DIP2C: variants seen among roughly 807,000 people sequenced by gnomAD.
DIP2C encodes the protein disco-interacting protein 2 homolog C.
Under a neutral mutation model 192.4 loss-of-function variants are expected in DIP2C, and 33 were observed. The observed-to-expected ratio is 0.17, with a 90% CI of 0.13 to 0.23. The LOEUF is 0.23. Ranked by LOEUF, DIP2C falls within the 10% of genes least tolerant of loss-of-function variation. DIP2C has a pLI of 1.00. For missense variants in DIP2C, 1,537 were observed against 2,110.1 expected, an observed-to-expected ratio of 0.73 and a Z score of 5.32; for synonymous variants, 979 against 864.1, an observed-to-expected ratio of 1.13 and a Z score of -2.33.
At chr10:536,598 CAATTT>C (rs1847710764) in intron 1 of DIP2C, among the ~76,000 whole-genome samples, 2 of 152,172 alleles carry the variant, frequency 1.3e-5, no homozygotes, top group Admixed American at 1.3e-4. Flanking sequence ...TGGGAGGACA[CAATTT>C]AATACCAGGA....
At position 607,122 on chromosome 10, in the gene DIP2C, T is replaced by TGGATGGATG. The variant is rs1469629482; in HGVS notation, c.85+82371_85+82372insCATCCATCC. Among the ~76,000 whole-genome samples, 26 of 152,334 alleles carry TGGATGGATG rather than the reference T, an allele frequency of 1.7e-4. No individual in the cohort carries two copies. The East Asian group carries it at 4.8e-3, about 28-fold the overall frequency. On this transcript the variant is annotated intron_variant, in intron 1 of 36. Transcript: ENST00000280886. The stretch of plus-strand genomic sequence containing the variant: ...CCTGCTCACCTCGGTGGGGCTCTCC[T>TGGATGGATG]GCCAAGGAGGATGGCCCTGAAGTCC...
At chr10:474,117 C>A (rs933515100) in intron 2 of DIP2C, among the ~76,000 whole-genome samples, 3 of 152,146 alleles carry the variant, frequency 2.0e-5, no homozygotes, top group African/African-American at 7.2e-5. Flanking sequence ...ACCTTTTTAT[C>A]AAACAGATGC....
rs143638304 is a variant in DIP2C at position 306,285 on chromosome 10, G to A, written c.3986+3746C>T. On this transcript the variant is annotated intron_variant, in intron 32 of 36. Transcript: ENST00000280886. ...GATGCAGGCAGGTCCCACCCACCAT[G>A]GCTCCAAGAATAAAAAGGGCATCAG... Among the ~76,000 whole-genome samples the A allele has an allele frequency of 3.4e-3, 516 of 151,904 alleles. 6 individuals are homozygous for A. The highest frequency in any genetic ancestry group is 0.011 in the African/African-American group (469 of 41,434).
rs776587036 is a variant in DIP2C at position 363,077 on chromosome 10, G to C, written c.2592+120C>G. The C allele has an allele frequency of 3.8e-6, 3 of 792,950 alleles. No individual in the cohort carries two copies. The highest frequency in any genetic ancestry group is 6.0e-6 in the Non-Finnish European group (3 of 501,296). 49.1% of individuals were successfully genotyped at this position (792,950 alleles called of 1,614,324 possible). A position where few individuals can be genotyped will look rare whatever the true frequency, so the allele number is the denominator to read the frequency against. On this transcript the variant is annotated intron_variant, in intron 21 of 36. Coordinates refer to ENST00000280886, the MANE Select transcript of DIP2C (RefSeq NM_014974.3). The surrounding 1 kb of genome is among the most constrained non-coding windows in gnomAD (Gnocchi z 5.4). ...TGATGTAGTTCCTGATCAAATGAAGGGAAGGGAAAAAGGGCCACCCCATGG... is the reference window on the plus strand; with the variant it reads ...TGATGTAGTTCCTGATCAAATGAAGCGAAGGGAAAAAGGGCCACCCCATGG...
intron 10 of DIP2C, 124 bp from the exon 11 acceptor site, chr10:390,987 C>T: frequency 2.1e-6 from 3 of 1,407,226 alleles, no homozygotes; most frequent in Admixed American, 2.2e-5. Flanking sequence ...ACCCCCAGCC[C>T]TGCTGCTTGG....
In DIP2C at chr10:550,449, G is replaced by A. The variant is rs1422468962; in HGVS notation, c.86-63919C>T. Among the ~76,000 whole-genome samples, 6 of 152,328 alleles carry A rather than the reference G, an allele frequency of 3.9e-5. 1 individual carries two copies. Among genetic ancestry groups the A allele is most frequent in the South Asian group, 4.1e-4 (2 of 4,830 alleles). On this transcript the variant is annotated intron_variant, in intron 1 of 36. Transcript: ENST00000280886. ...AGAGACGCTGCAGTTCCACACCGCA[G>A]AAGGATCTATGGACAAAGTGGCTCT...
chr10:367,344 GA>G (rs1235473054), intron 18 of DIP2C, among the ~76,000 whole-genome samples: 1,921 of 151,826 alleles, frequency 0.013, 36 homozygotes, highest in African/African-American at 0.043. Flanking sequence ...GTGAACCCGG[GA>G]GGCAGAGCCT....
At chr10:527,239 T>C (rs1403241387) in intron 1 of DIP2C, among the ~76,000 whole-genome samples, 2 of 152,150 alleles carry the variant, frequency 1.3e-5, no homozygotes, top group African/African-American at 4.8e-5. Context: ...ATCTAGCTCC[T>C]CTCCCTCACA....
intron 2 of DIP2C, among the ~76,000 whole-genome samples, chr10:474,805 G>C (rs1032743557): frequency 6.6e-6 from 1 of 152,176 alleles, no homozygotes; most frequent in Non-Finnish European, 1.5e-5. Flanking sequence ...TTATTGGTGA[G>C]AAGTTAAACT....
intron 1 of DIP2C, among the ~76,000 whole-genome samples, chr10:589,923 T>TCA (rs1354652526): frequency 7.2e-5 from 11 of 152,212 alleles, no homozygotes; most frequent in Non-Finnish European, 1.6e-4. Flanking sequence ...AGAATGAAAT[T>TCA]CATAAGAACT....
At chr10:406,751 G>C (rs1381104611) in intron 9 of DIP2C, among the ~76,000 whole-genome samples, 2 of 152,046 alleles carry the variant, frequency 1.3e-5, no homozygotes, top group East Asian at 1.9e-4. Flanking sequence ...CCCTAAAGGG[G>C]TCATGCAGCC....
intron 32 of DIP2C, among the ~76,000 whole-genome samples, chr10:294,180 C>T (rs560691201): frequency 1.6e-4 from 24 of 152,124 alleles, no homozygotes; most frequent in Non-Finnish European, 2.5e-4. Context: ...GTGGACTGAG[C>T]CGACCTTGCA....
chr10:619,545 T>TCCCTCCCTCCCACCCACCCACCCA (rs1554757207), intron 1 of DIP2C, among the ~76,000 whole-genome samples: 4 of 15,810 alleles, frequency 2.5e-4, no homozygotes, highest in African/African-American at 7.1e-4. Context: ...CCGCCCGCCC[T>TCCCTCCCTCCCACCCACCCACCCA]CCCACCCAGC....
At chr10:328,660 C>T (rs368293331) in intron 30 of DIP2C, among the ~76,000 whole-genome samples, 143 of 152,304 alleles carry the variant, frequency 9.4e-4, no homozygotes, top group African/African-American at 3.2e-3. Flanking sequence ...TTTTGCTTTC[C>T]TGTCCAAGCT....
At chr10:483,427 C>T (rs1843758190) in intron 2 of DIP2C, among the ~76,000 whole-genome samples, 1 of 152,244 alleles carries the variant, frequency 6.6e-6, no homozygotes, top group Admixed American at 6.5e-5. Context: ...ACATGGTGCA[C>T]ACTTGCGTGT....
At chr10:469,858 C>T (rs1027233127) in intron 3 of DIP2C, among the ~76,000 whole-genome samples, 2 of 152,180 alleles carry the variant, frequency 1.3e-5, no homozygotes. Context: ...CTTGCCGTTC[C>T]CCAAATGTGT....
At position 287,669 on chromosome 10, in the gene DIP2C, GAA is replaced by G. The variant is rs34102226; in HGVS notation, c.4044+693_4044+694del. Among the ~76,000 whole-genome samples, 856 of 124,016 alleles carry G rather than the reference GAA, an allele frequency of 6.9e-3. 9 individuals are homozygous for G. The highest frequency in any genetic ancestry group is 0.048 in the East Asian group (212 of 4,450). 81.4% of individuals were successfully genotyped at this position (124,016 alleles called of 152,430 possible). On this transcript the variant is annotated intron_variant, in intron 33 of 36. Transcript: ENST00000280886. ...GAATCTGACAACTGGGGCCGAAACG[GAA>G]AAAAAAAAAAAAAAAAGAGTCTTTA...
At chr10:513,861 A>G (rs1846183764) in intron 1 of DIP2C, among the ~76,000 whole-genome samples, 1 of 152,226 alleles carries the variant, frequency 6.6e-6, no homozygotes, top group Non-Finnish European at 1.5e-5. Context: ...GACATCTGCA[A>G]ACATCGACAG....
At chr10:540,387 TCA>T (rs747133277) in intron 1 of DIP2C, among the ~76,000 whole-genome samples, 36 of 152,248 alleles carry the variant, frequency 2.4e-4, no homozygotes, top group Non-Finnish European at 4.0e-4. Context: ...CTTCCTGAGA[TCA>T]CACAGAGCTT....
Sources: gnomAD v4.1 joint callset for allele counts (sites outside exome capture counted in the v4.1 genomes callset) on GRCh38, gnomAD v4.1.1 for gene constraint, Gnocchi (gnomAD v3.1) non-coding constraint, MANE v1.5 for transcripts, NCBI Gene and HGNC (gene_info 2026-07-23, HGNC 2026-07-21) for gene names.